The following SEPTIN10 variants were observed in gnomAD, a reference collection of about 807,000 sequenced individuals.
SEPTIN10 encodes septin-10.
Under a neutral mutation model 54.8 loss-of-function variants are expected in SEPTIN10, and 66 were observed. The ratio of observed to expected loss-of-function variants is 1.21; its 90% confidence interval spans 0.99 to 1.48. The LOEUF (loss-of-function observed/expected upper bound fraction) is 1.48. SEPTIN10 is among the 40% of genes most tolerant of loss of function. The pLI is 0.00. For synonymous variants in SEPTIN10, 161 were observed against 181.0 expected, an observed-to-expected ratio of 0.89 and a Z score of 0.89; for missense variants, 620 against 545.6, an observed-to-expected ratio of 1.14 and a Z score of -1.36.
chr2:109,557,884 T>G (rs1684759699), intron 8 of SEPTIN10, among the ~76,000 whole-genome samples: 1 of 151,174 alleles, frequency 6.6e-6, no homozygotes, highest in Non-Finnish European at 1.5e-5. Flanking sequence ...GGTCTCACTG[T>G]CATCCAGGCT....
intron 8 of SEPTIN10, among the ~76,000 whole-genome samples, chr2:109,561,676 TTAC>T (rs1685684976): frequency 1.3e-5 from 2 of 152,146 alleles, no homozygotes; most frequent in Non-Finnish European, 2.9e-5. Context: ...AACCTCTGGA[TTAC>T]CAACTACACC....
intron 1 of SEPTIN10, among the ~76,000 whole-genome samples, chr2:109,594,271 TAA>T (rs56164461): frequency 4.0e-5 from 6 of 151,250 alleles, no homozygotes; most frequent in East Asian, 3.9e-4. Flanking sequence ...ATGAATGTGG[TAA>T]AAAAAAAATT....
chr2:109,550,066 G>A (rs983941192), intron 9 of SEPTIN10, among the ~76,000 whole-genome samples: 1 of 151,768 alleles, frequency 6.6e-6, no homozygotes, highest in African/African-American at 2.4e-5. Flanking sequence ...CGAGGCAGGC[G>A]GATAACGTGA....
At chr2:109,589,352 A>T (rs1363536636) in intron 2 of SEPTIN10, among the ~76,000 whole-genome samples, 1 of 151,894 alleles carries the variant, frequency 6.6e-6, no homozygotes, top group East Asian at 1.9e-4. Context: ...GGCCAGCATG[A>T]CAAAACCCCA....
intron 1 of SEPTIN10, among the ~76,000 whole-genome samples, chr2:109,593,381 T>C (rs1011100118): frequency 2.0e-5 from 3 of 151,318 alleles, no homozygotes; most frequent in Non-Finnish European, 4.4e-5. Context: ...ATTAGTAAAC[T>C]TCCATTTACA....
chr2:109,558,741 A>C (rs1316545956), intron 8 of SEPTIN10, among the ~76,000 whole-genome samples: 1 of 152,220 alleles, frequency 6.6e-6, no homozygotes, highest in African/African-American at 2.4e-5. Context: ...GCCAGGAAGT[A>C]CAGTCACATA....
chr2:109,546,900 T>G lies in SEPTIN10; in HGVS notation c.1162-663A>C, dbSNP rs138193337. Among the ~76,000 whole-genome samples, 1,415 of 152,312 alleles carry G rather than the reference T, an allele frequency of 9.3e-3. 99 individuals carry two copies. The highest frequency in any genetic ancestry group is 0.083 in the Admixed American group (1,270 of 15,296). ...CCAATAAAGATAAAGAATAAATTAA[T>G]GCTAAATACATTTGATGCAGCTGTA... is the stretch of plus-strand genomic sequence containing the variant. On this transcript the variant is annotated intron_variant, in intron 9 of 10. Transcript: ENST00000397712.
At chr2:109,562,941 C>T (rs564514175) in intron 8 of SEPTIN10, among the ~76,000 whole-genome samples, 45 of 151,106 alleles carry the variant, frequency 3.0e-4, no homozygotes, top group South Asian at 1.7e-3. Context: ...GATGGAGTCT[C>T]GCTCTGTTGC....
chr2:109,589,642 T>C (rs762826721), intron 2 of SEPTIN10, among the ~76,000 whole-genome samples: 6 of 152,214 alleles, frequency 3.9e-5, no homozygotes, highest in Non-Finnish European at 7.3e-5. Context: ...AGAAATGGAA[T>C]GCTGATAAAT....
intron 9 of SEPTIN10, among the ~76,000 whole-genome samples, chr2:109,552,146 A>C (rs1683119005): frequency 6.6e-6 from 1 of 152,190 alleles, no homozygotes; most frequent in African/African-American, 2.4e-5. Context: ...CCTTGTGAGA[A>C]TCTAATGCCT....
intron 4 of SEPTIN10, among the ~76,000 whole-genome samples, chr2:109,577,565 C>A (rs573875436): frequency 1.3e-5 from 2 of 150,190 alleles, no homozygotes; most frequent in Non-Finnish European, 3.0e-5. Context: ...GCATTCTAGC[C>A]TCAGTGACAG....
rs1192167535 is a variant in SEPTIN10 at position 109,613,886 on chromosome 2, C to CCGGCGA, written c.-65_-60dup. On this transcript the variant is annotated 5_prime_UTR_variant, in exon 1 of 11. Coordinates refer to ENST00000397712, the MANE Select transcript of SEPTIN10 (RefSeq NM_144710.5). ...TCAGCCCGGCCCCGAGCGGCTGGTC[C>CCGGCGA]CGGCGACGGCGGCGGGAAGGCCGGA... is the stretch of plus-strand genomic sequence containing the variant. 1.6e-5 allele frequency: 20 copies of CCGGCGA among 1,229,666 alleles called. No individual in the cohort carries two copies. The South Asian group carries it at 4.0e-4, about 25-fold the overall frequency. The allele number at this position is 1,229,666 out of a possible 1,614,324, so 76.2% of individuals were successfully genotyped here.
chr2:109,611,213 A>C (rs1207682855), intron 1 of SEPTIN10, among the ~76,000 whole-genome samples: 1 of 152,236 alleles, frequency 6.6e-6, no homozygotes, highest in Non-Finnish European at 1.5e-5. Context: ...ATAAATGTAA[A>C]ACATAAACTA....
intron 1 of SEPTIN10, among the ~76,000 whole-genome samples, chr2:109,604,110 C>T (rs187889188): frequency 0.025 from 3,498 of 142,422 alleles, 154 homozygotes; most frequent in African/African-American, 0.087. Context: ...TGCAGTGAGC[C>T]GAGATCATGC....
intron 4 of SEPTIN10, 146 bp downstream of exon 4, chr2:109,584,980 T>G: frequency 2.4e-6 from 1 of 422,766 alleles, no homozygotes; most frequent in South Asian, 9.9e-5. Flanking sequence ...AACAAAATAT[T>G]GTTTAATTAT....
At chr2:109,581,370 G>C (rs1691101482) in intron 4 of SEPTIN10, among the ~76,000 whole-genome samples, 2 of 151,956 alleles carry the variant, frequency 1.3e-5, no homozygotes, top group Non-Finnish European at 2.9e-5. Context: ...CCAGGAGGCG[G>C]AGGTTGCAGT....
At chr2:109,582,819 T>C (rs1224960304) in intron 4 of SEPTIN10, among the ~76,000 whole-genome samples, 2 of 152,064 alleles carry the variant, frequency 1.3e-5, no homozygotes, top group Non-Finnish European at 2.9e-5. Context: ...GGTTGTGGTA[T>C]AAAAACAGAC....
At chr2:109,559,619 A>G (rs1685163396) in intron 8 of SEPTIN10, among the ~76,000 whole-genome samples, 1 of 152,200 alleles carries the variant, frequency 6.6e-6, no homozygotes, top group African/African-American at 2.4e-5. Flanking sequence ...ACCAGTATCC[A>G]TTATCCTCAT....
chr2:109,569,831 G>A (rs1224191690), intron 5 of SEPTIN10, among the ~76,000 whole-genome samples: 2 of 149,826 alleles, frequency 1.3e-5, no homozygotes, highest in African/African-American at 2.5e-5. Context: ...AAAGAGGGTC[G>A]CTTGTCACCA....
Sources: allele counts gnomAD v4.1 joint callset (sites outside exome capture counted in the v4.1 genomes callset), GRCh38; gene constraint gnomAD v4.1.1; transcripts MANE v1.5; gene names NCBI Gene and HGNC (gene_info 2026-07-23, HGNC 2026-07-21).